VAC14: variants seen among roughly 807,000 people sequenced by gnomAD.
The protein encoded by VAC14 is protein VAC14 homolog.
Under a neutral mutation model 85.3 loss-of-function variants are expected in VAC14, and 47 were observed. That is an observed-to-expected ratio of 0.55 (90% CI 0.44 to 0.70). The LOEUF (loss-of-function observed/expected upper bound fraction) is 0.70. VAC14 is among the 30% of genes least tolerant of loss of function. The pLI, the probability that VAC14 is intolerant of heterozygous loss-of-function variation, is 0.00. For synonymous variants in VAC14, 447 were observed against 430.5 expected (o/e 1.04, Z -0.47); for missense variants, 861 against 1,004.3 (o/e 0.86, Z 1.93).
chr16:70,688,226 C>A, intron 18 of VAC14, 136 bp from the exon 19 acceptor site: 9 of 1,311,966 alleles, frequency 6.9e-6, no homozygotes, highest in Middle Eastern at 2.7e-4. Flanking sequence ...GGCCTGGCAA[C>A]TCTTCCGTCA....
At position 70,695,605 on chromosome 16, in the gene VAC14, G is replaced by C. The variant is rs141767501; in HGVS notation, c.1974C>G (p.Thr658=). ...TGTCCACCTCTGCGAGGAAGTCCAC[G>C]GTGACCTCCAGGTCCCCACTGGGTG... The part of the protein sequence containing the change: ...LIQKFGDLEV[T]VDFLAEVDKL... Residue 658 remains threonine, a synonymous_variant, in exon 17 of 19, where the codon ACC becomes ACG. Coordinates refer to ENST00000261776, the MANE Select transcript of VAC14 (RefSeq NM_018052.5). 133 of 1,613,790 alleles carry C rather than the reference G, an allele frequency of 8.2e-5. No individual in the cohort carries two copies. In the African/African-American group the frequency reaches 1.7e-3, roughly 20 times the overall value.
At chr16:70,691,269 A>T in intron 18 of VAC14, 3 of 985,410 alleles carry the variant, frequency 3.0e-6, no homozygotes, top group Non-Finnish European at 3.6e-6. Flanking sequence ...CTCCCTGGCC[A>T]GGAGGACTCC....
At chr16:70,717,804 G>A (rs1309359479) in intron 14 of VAC14, among the ~76,000 whole-genome samples, 2 of 152,162 alleles carry the variant, frequency 1.3e-5, no homozygotes, top group Admixed American at 1.3e-4. Flanking sequence ...ATGCCACCAT[G>A]CTCAGTTAAT....
intron 14 of VAC14, among the ~76,000 whole-genome samples, chr16:70,706,420 G>A (rs2053921450): frequency 6.6e-6 from 1 of 152,242 alleles, no homozygotes; most frequent in South Asian, 2.1e-4. Flanking sequence ...TGGCTCAGAG[G>A]CCCCTCCCTT....
Position 70,785,805 on chromosome 16 carries a change from C to T in VAC14, c.320G>A (p.Ser107Asn). 1 of 1,600,670 alleles carries T rather than the reference C, an allele frequency of 6.2e-7. No homozygotes were observed. The highest frequency in any genetic ancestry group is 8.5e-7 in the Non-Finnish European group (1 of 1,172,582). ...CTCGCAGGCATAGTAGCGCAGCCTG[C>T]TGTCTGCATCATTGAAGCAGGTCAG... ...PVLTCFNDAD[S>N]RLRYYACEAL... is the part of the protein sequence containing the mutation. Residue 107 changes from serine (S) to asparagine (N), a missense_variant, in exon 3 of 19, where the codon AGC becomes AAC. Transcript: ENST00000261776.
intron 13 of VAC14, among the ~76,000 whole-genome samples, chr16:70,739,871 A>G (rs2030092262): frequency 6.6e-6 from 1 of 152,254 alleles, no homozygotes; most frequent in Admixed American, 6.5e-5. Flanking sequence ...AAACCAAATA[A>G]GAACAGGTCA....
intron 14 of VAC14, among the ~76,000 whole-genome samples, chr16:70,704,785 C>T (rs1015214349): frequency 7.9e-5 from 12 of 152,212 alleles, no homozygotes; most frequent in African/African-American, 2.9e-4. Context: ...TCTGTAGGAG[C>T]AGAGCCCCGT....
At chr16:70,693,089 A>G in intron 17 of VAC14, 118 bp from the exon 18 acceptor site, 1 of 1,364,452 alleles carries the variant, frequency 7.3e-7, no homozygotes, top group Non-Finnish European at 9.8e-7. Context: ...TGGCACCCAC[A>G]GCCCAAGGAC....
At chr16:70,690,894 A>AG (rs912323502) in intron 18 of VAC14, 1 of 985,360 alleles carries the variant, frequency 1.0e-6, no homozygotes, top group Non-Finnish European at 1.2e-6. Context: ...ATTGAAGGCT[A>AG]GGGGGTGTCT....
intron 10 of VAC14, among the ~76,000 whole-genome samples, chr16:70,764,155 T>C (rs1418169146): frequency 6.6e-6 from 1 of 152,222 alleles, no homozygotes. Flanking sequence ...TGAAGCTCAT[T>C]TGATGTGAAT....
At chr16:70,779,962 C>T (rs1361749225) in intron 9 of VAC14, among the ~76,000 whole-genome samples, 1 of 151,686 alleles carries the variant, frequency 6.6e-6, no homozygotes, top group Non-Finnish European at 1.5e-5. Flanking sequence ...CCCGCTTCAG[C>T]TTCCTGAGGA....
chr16:70,745,482 AGTGTGTGTGT>A (rs145054065), intron 12 of VAC14, among the ~76,000 whole-genome samples: 87 of 143,870 alleles, frequency 6.0e-4, no homozygotes, highest in Non-Finnish European at 7.7e-4. Context: ...GAGGGGCTTC[AGTGTGTGTGT>A]GTGTGTGTGT....
intron 12 of VAC14, chr16:70,755,188 G>A: frequency 2.9e-6 from 1 of 339,482 alleles, no homozygotes; most frequent in South Asian, 2.2e-5. Context: ...GAGAAGGTCA[G>A]CCAGGTGGAA....
intron 14 of VAC14, among the ~76,000 whole-genome samples, chr16:70,708,075 C>G (rs1036654755): frequency 6.6e-6 from 1 of 152,170 alleles, no homozygotes; most frequent in African/African-American, 2.4e-5. Flanking sequence ...CAGGCGTGAG[C>G]CACCGCACCT....
chr16:70,692,826 C>T lies in VAC14; in HGVS notation c.2181G>A (p.Gln727=). 4 of 1,598,910 alleles carry T rather than the reference C, an allele frequency of 2.5e-6. No individual in the cohort carries two copies. The highest frequency in any genetic ancestry group is 3.4e-6 in the Non-Finnish European group (4 of 1,175,216). Residue 727 remains glutamine (Q), a synonymous_variant, in exon 18 of 19, where the codon CAG becomes CAA. Transcript: ENST00000261776. ...AGTCCCCAGCCGGCACTCACTCGGT[C>T]TGCAGCAGCTCAGGGTTGGGCACGC... ...LQCVPNPELL[Q]TEDSLKAAPK...
At chr16:70,731,228 C>T in intron 14 of VAC14, 2 of 1,137,556 alleles carry the variant, frequency 1.8e-6, no homozygotes, top group South Asian at 5.8e-5. Flanking sequence ...AGAGGCTGTT[C>T]CACCTCAGGG....
intron 14 of VAC14, among the ~76,000 whole-genome samples, chr16:70,729,179 G>A (rs1011611378): frequency 1.3e-5 from 2 of 152,194 alleles, no homozygotes; most frequent in African/African-American, 4.8e-5. Context: ...AGAGGCCTGG[G>A]ATGCTGCTGA....
At chr16:70,798,569 T>C (rs1013612475) in intron 1 of VAC14, among the ~76,000 whole-genome samples, 7 of 152,200 alleles carry the variant, frequency 4.6e-5, no homozygotes, top group Non-Finnish European at 8.8e-5. Context: ...GAGGAAGGCA[T>C]TGAACTAACC....
At chr16:70,713,495 G>C (rs2054081454) in intron 14 of VAC14, among the ~76,000 whole-genome samples, 1 of 152,148 alleles carries the variant, frequency 6.6e-6, no homozygotes. Flanking sequence ...CCTTCCCCTG[G>C]GGGTAGGGAA....
Sources: allele counts gnomAD v4.1 joint callset (sites outside exome capture counted in the v4.1 genomes callset), GRCh38; gene constraint gnomAD v4.1.1; transcripts MANE v1.5; gene names NCBI Gene and HGNC (gene_info 2026-07-23, HGNC 2026-07-21).